The following OSBPL3 variants were observed in gnomAD, a reference collection of about 807,000 sequenced individuals.
OSBPL3 encodes oxysterol binding protein like 3.
OSBPL3 carries 65 observed loss-of-function variants against 120.1 expected under a neutral mutation model. That is an observed-to-expected ratio of 0.54 (90% CI 0.44 to 0.67). The LOEUF (loss-of-function observed/expected upper bound fraction) is 0.67, where lower values mean the gene tolerates loss of function less well. OSBPL3 is among the 30% of genes least tolerant of loss of function. OSBPL3 has a pLI of 0.00. For synonymous variants in OSBPL3, 416 were observed against 402.6 expected (o/e 1.03, Z -0.40); for missense variants, 1,004 against 1,082.1 (o/e 0.93, Z 1.01).
chr7:24,848,812 G>A (rs1006243902), intron 12 of OSBPL3, among the ~76,000 whole-genome samples: 8 of 151,864 alleles, frequency 5.3e-5, no homozygotes, highest in East Asian at 1.9e-4. Context: ...ATTTAGGAGC[G>A]AAACAGAAAT....
intron 16 of OSBPL3, among the ~76,000 whole-genome samples, chr7:24,823,447 G>T (rs1482471796): frequency 6.6e-6 from 1 of 152,062 alleles, no homozygotes; most frequent in East Asian, 1.9e-4. Flanking sequence ...TATAAATTAG[G>T]AAATAGGGGT....
At position 24,862,508 on chromosome 7, in the gene OSBPL3, A is replaced by G. The variant is rs1250314661; in HGVS notation, c.870+692T>C. Among the ~76,000 whole-genome samples, 2 of 152,172 alleles carry G rather than the reference A, an allele frequency of 1.3e-5. No individual in the cohort carries two copies. The highest frequency in any genetic ancestry group is 2.9e-5 in the Non-Finnish European group (2 of 68,028). On this transcript the variant is annotated intron_variant, in intron 9 of 22. Coordinates refer to ENST00000313367, the MANE Select transcript of OSBPL3 (RefSeq NM_015550.4). This position sits in a 1 kb window ranked among gnomAD's most constrained non-coding sequence, Gnocchi z 4.4. ...TTCATTTGTACATGGAACATTCTTT[A>G]CTTCCAAAGTGCTTATCTTCAGTCC... is the stretch of plus-strand genomic sequence containing the variant.
intron 1 of OSBPL3, among the ~76,000 whole-genome samples, chr7:24,919,852 C>A (rs965645480): frequency 3.3e-5 from 5 of 151,190 alleles, no homozygotes; most frequent in Non-Finnish European, 7.4e-5. Context: ...CATATAACTA[C>A]AATAGACATT....
rs913760570 is a variant in OSBPL3 at position 24,812,848 on chromosome 7, G to GA, written c.2172+2210dup. On this transcript the variant is annotated intron_variant, in intron 19 of 22. Transcript: ENST00000313367. ...TGTAAGAATGAAGGAAAAGCAAAAA[G>GA]AAAAAAAAGACTATTGAGACTCTTA... Among the ~76,000 whole-genome samples, 265 of 151,770 alleles carry GA rather than the reference G, an allele frequency of 1.7e-3. 2 individuals carry two copies. Among genetic ancestry groups the GA allele is most frequent in the South Asian group, 1.3e-3 (6 of 4,790 alleles).
Position 24,815,267 on chromosome 7 carries a change from C to T in OSBPL3, c.2028-64G>A. 7.6e-7 allele frequency: 1 copy of T among 1,315,082 alleles called. No homozygotes were observed. The highest frequency in any genetic ancestry group is 1.4e-5 in the African/African-American group (1 of 68,996). The allele number at this position is 1,315,082 out of a possible 1,614,324, so 81.5% of individuals were successfully genotyped here. A position where few individuals can be genotyped will look rare whatever the true frequency, so the allele number is the denominator to read the frequency against. ...AGAGCCAGCAGCAAATGCAAACAAA[C>T]TCTGCTCTTTTATAAAATAAGTCAT... On this transcript the variant is annotated intron_variant, in intron 18 of 22. Coordinates refer to ENST00000313367, the MANE Select transcript of OSBPL3 (RefSeq NM_015550.4). The surrounding 1 kb of genome is among the most constrained non-coding windows in gnomAD (Gnocchi z 5.1).
intron 1 of OSBPL3, among the ~76,000 whole-genome samples, chr7:24,904,425 A>G (rs938343361): frequency 6.6e-6 from 1 of 152,242 alleles, no homozygotes; most frequent in Non-Finnish European, 1.5e-5. Flanking sequence ...CAATACAACA[A>G]TGAAAATATA....
chr7:24,969,495 T>G (rs1387405431), intron 1 of OSBPL3, among the ~76,000 whole-genome samples: 1 of 152,252 alleles, frequency 6.6e-6, no homozygotes, highest in Non-Finnish European at 1.5e-5. Flanking sequence ...AATCTTTTAT[T>G]TTATAGCATC....
intron 19 of OSBPL3, among the ~76,000 whole-genome samples, chr7:24,814,297 T>C (rs930714197): frequency 6.6e-4 from 94 of 141,838 alleles, no homozygotes; most frequent in African/African-American, 2.4e-3. Context: ...TGTGTGTATA[T>C]GGGTGTATCT....
At chr7:24,889,918 C>CCAT (rs1376414470) in intron 2 of OSBPL3, among the ~76,000 whole-genome samples, 1 of 152,124 alleles carries the variant, frequency 6.6e-6, no homozygotes, top group African/African-American at 2.4e-5. Flanking sequence ...GGTGCTGGGT[C>CCAT]CATCATCATC....
chr7:24,971,927 A>G (rs573065200), intron 1 of OSBPL3, among the ~76,000 whole-genome samples: 125 of 152,276 alleles, frequency 8.2e-4, no homozygotes, highest in African/African-American at 2.9e-3. Flanking sequence ...AATTCTATAT[A>G]TGCCAGGAAT....
intron 1 of OSBPL3, among the ~76,000 whole-genome samples, chr7:24,905,792 AGGCCGAG>A (rs1807817756): frequency 6.6e-6 from 1 of 152,210 alleles, no homozygotes; most frequent in African/African-American, 2.4e-5. Context: ...GCACTTCGGG[AGGCCGAG>A]GTGGGTGGAT....
chr7:24,978,988 G>A (rs1055729537), intron 1 of OSBPL3, among the ~76,000 whole-genome samples: 1 of 152,156 alleles, frequency 6.6e-6, no homozygotes, highest in African/African-American at 2.4e-5. Context: ...ACCTGCGACA[G>A]TGCCCATCAG....
At chr7:24,836,980 G>A (rs1309299087) in intron 14 of OSBPL3, among the ~76,000 whole-genome samples, 1 of 152,068 alleles carries the variant, frequency 6.6e-6, no homozygotes, top group East Asian at 1.9e-4. Context: ...GACCACAGAT[G>A]CACACCAACA....
At chr7:24,874,964 T>G (rs1479341204) in intron 2 of OSBPL3, among the ~76,000 whole-genome samples, 1 of 152,202 alleles carries the variant, frequency 6.6e-6, no homozygotes, top group Non-Finnish European at 1.5e-5. Flanking sequence ...TGTGGAATCC[T>G]GGAGCCACTT....
rs557623331 is a variant in OSBPL3, at chr7:24,970,853, C to T, written c.-150+9033G>A. Among the ~76,000 whole-genome samples, 2 of 152,292 alleles carry T rather than the reference C, an allele frequency of 1.3e-5. 1 individual carries two copies. Among genetic ancestry groups the T allele is most frequent in the Middle Eastern group, 6.8e-3 (2 of 294 alleles). ...GAGTTTCCAATTCCATGGGTTTGGG[C>T]CCCACCCAAGTTCTGCTAACAAGTT... On this transcript the variant is annotated intron_variant, in intron 1 of 22. Transcript: ENST00000313367.
chr7:24,859,323 T>C (rs1460593888), intron 10 of OSBPL3, among the ~76,000 whole-genome samples: 1 of 152,018 alleles, frequency 6.6e-6, no homozygotes, highest in Non-Finnish European at 1.5e-5. Context: ...AAATCCATTT[T>C]CTCTTTAAGA....
rs1383657538 is a variant in OSBPL3, at chr7:24,916,410, T to C, written c.-149-23789A>G. 6.6e-6 allele frequency among the ~76,000 whole-genome samples: 1 copy of C among 152,178 alleles called. No individual in the cohort carries two copies. The highest frequency in any genetic ancestry group is 1.9e-4 in the East Asian group (1 of 5,196). ...CGCTTGAGCTTTTTTGGGTAATATT[T>C]TACTTTCTCCTTTGAACTTTTTTTT... On this transcript the variant is annotated intron_variant, in intron 1 of 22. Transcript: ENST00000313367. The surrounding 1 kb of genome is among the most constrained non-coding windows in gnomAD (Gnocchi z 4.9).
Position 24,835,879 on chromosome 7 carries a change from A to G in OSBPL3, c.1496-1143T>C, listed in dbSNP as rs909210711. On this transcript the variant is annotated intron_variant, in intron 14 of 22. Transcript: ENST00000313367. This position sits in a 1 kb window ranked among gnomAD's most constrained non-coding sequence, Gnocchi z 4.8. ...AACGTTAGTTCACATGAACATAAAG[A>G]AGGGAACCATAGACACCAGGGCCTA... Among the ~76,000 whole-genome samples the G allele has an allele frequency of 4.6e-5, 7 of 152,130 alleles. No individual in the cohort carries two copies. The highest frequency in any genetic ancestry group is 1.0e-4 in the Non-Finnish European group (7 of 68,014).
At chr7:24,829,169 G>A (rs991126829) in intron 16 of OSBPL3, among the ~76,000 whole-genome samples, 3 of 152,086 alleles carry the variant, frequency 2.0e-5, no homozygotes, top group African/African-American at 7.2e-5. Flanking sequence ...GCTATTTTTG[G>A]CCTTTATTTT....
Sources: gnomAD v4.1 joint callset for allele counts (sites outside exome capture counted in the v4.1 genomes callset) on GRCh38, gnomAD v4.1.1 for gene constraint, Gnocchi (gnomAD v3.1) non-coding constraint, MANE v1.5 for transcripts, NCBI Gene and HGNC (gene_info 2026-07-23, HGNC 2026-07-21) for gene names.